The following GUCA1C variants were observed in gnomAD, a reference collection of about 807,000 sequenced individuals.
The protein encoded by GUCA1C is guanylate cyclase activator 1C, also known as guanylyl cyclase-activating protein 3.
Under a neutral mutation model 16.2 loss-of-function variants are expected in GUCA1C, and 15 were observed. The observed-to-expected ratio is 0.93, with a 90% CI of 0.62 to 1.43. The LOEUF (loss-of-function observed/expected upper bound fraction) is 1.43, where lower values mean the gene tolerates loss of function less well. GUCA1C is among the 40% of genes most tolerant of loss of function. The pLI is 0.00. For missense variants in GUCA1C, 275 were observed against 244.8 expected, an observed-to-expected ratio of 1.12 and a Z score of -0.82; for synonymous variants, 78 against 85.4, an observed-to-expected ratio of 0.91 and a Z score of 0.48.
chr3:108,914,843 G>A lies in GUCA1C; in HGVS notation c.442+1284C>T, dbSNP rs994385863. Among the ~76,000 whole-genome samples the A allele has an allele frequency of 3.3e-5, 5 of 152,212 alleles. No homozygotes were observed. The South Asian group carries it at 6.2e-4, about 19-fold the overall frequency. ...AGACCCTCCACTCTCCATTTCTCTGGTCCTTTCCTGGCTGCACGTAGCCTC... is the reference window on the plus strand; with the variant it reads ...AGACCCTCCACTCTCCATTTCTCTGATCCTTTCCTGGCTGCACGTAGCCTC... On this transcript the variant is annotated intron_variant, in intron 3 of 3. Coordinates refer to ENST00000261047, the MANE Select transcript of GUCA1C (RefSeq NM_005459.4).
intron 1 of GUCA1C, among the ~76,000 whole-genome samples, chr3:108,920,958 T>C (rs115606717): frequency 1.0e-3 from 157 of 152,264 alleles, no homozygotes; most frequent in African/African-American, 3.6e-3. Flanking sequence ...TCACCCAAAG[T>C]CCATAGTTTA....
intron 1 of GUCA1C, among the ~76,000 whole-genome samples, chr3:108,923,292 T>C (rs544595603): frequency 2.6e-5 from 4 of 152,118 alleles, no homozygotes; most frequent in Non-Finnish European, 5.9e-5. Context: ...AGAATCTTTA[T>C]GGTTTCGGAT....
chr3:108,944,479 GGTCA>G (rs1946823703), intron 1 of GUCA1C, among the ~76,000 whole-genome samples: 1 of 152,184 alleles, frequency 6.6e-6, no homozygotes, highest in Admixed American at 6.5e-5. Context: ...GCCAGGTGGA[GGTCA>G]GTAAGGGGAG....
chr3:108,951,902 A>G (rs1946899696), intron 1 of GUCA1C, among the ~76,000 whole-genome samples: 1 of 152,238 alleles, frequency 6.6e-6, no homozygotes, highest in African/African-American at 2.4e-5. Flanking sequence ...ATCTGACAGC[A>G]GATCCTTGCT....
intron 3 of GUCA1C, among the ~76,000 whole-genome samples, chr3:108,911,962 C>T (rs553505138): frequency 2.4e-3 from 368 of 151,564 alleles, no homozygotes; most frequent in Non-Finnish European, 3.3e-3. Flanking sequence ...AAAAATTAGC[C>T]GGGCGTAGTG....
chr3:108,918,950 A>G (rs146602674), intron 2 of GUCA1C, among the ~76,000 whole-genome samples: 2,110 of 152,196 alleles, frequency 0.014, 53 homozygotes, highest in African/African-American at 0.049. Context: ...CAGGACTTTT[A>G]TCCTTAATAA....
chr3:108,940,243 TA>T (rs1446072265), intron 1 of GUCA1C, among the ~76,000 whole-genome samples: 1 of 152,238 alleles, frequency 6.6e-6, no homozygotes. Context: ...TTGCTTCCAG[TA>T]AATGTATCTT....
rs143341572 is a variant in GUCA1C, at chr3:108,948,378, C to T, written c.204+5181G>A. Reference sequence around the variant, plus strand: ...CCCTTCTATCATGATTGTAAGTTTCCTGAGGCCTCCCCAGCCATGTCTCCT... The same window carrying T: ...CCCTTCTATCATGATTGTAAGTTTCTTGAGGCCTCCCCAGCCATGTCTCCT... On this transcript the variant is annotated intron_variant, in intron 1 of 3. Transcript: ENST00000261047. Among the ~76,000 whole-genome samples the T allele has an allele frequency of 6.1e-3, 929 of 152,288 alleles. 7 individuals carry two copies. The highest frequency in any genetic ancestry group is 8.9e-3 in the Non-Finnish European group (606 of 68,010).
At chr3:108,908,442 TCAGGTAATGCCC>T (rs1946413907) in intron 3 of GUCA1C, among the ~76,000 whole-genome samples, 2 of 150,984 alleles carry the variant, frequency 1.3e-5, no homozygotes, top group African/African-American at 4.9e-5. Flanking sequence ...GTTGAAAACA[TCAGGTAATGCCC>T]CAGATGAAAT....
At chr3:108,931,400 G>A (rs992736071) in intron 1 of GUCA1C, among the ~76,000 whole-genome samples, 1 of 152,220 alleles carries the variant, frequency 6.6e-6, no homozygotes, top group Non-Finnish European at 1.5e-5. Flanking sequence ...TATTTTCACT[G>A]TATGGTTTTT....
intron 3 of GUCA1C, among the ~76,000 whole-genome samples, chr3:108,911,622 T>C (rs919271302): frequency 1.3e-5 from 2 of 152,232 alleles, no homozygotes; most frequent in African/African-American, 4.8e-5. Context: ...CAGTAGTTTC[T>C]TTTCCTCTAC....
At chr3:108,910,098 T>G (rs1203859744) in intron 3 of GUCA1C, among the ~76,000 whole-genome samples, 2 of 152,246 alleles carry the variant, frequency 1.3e-5, no homozygotes, top group African/African-American at 2.4e-5. Context: ...CTTCCTATTC[T>G]GCTTTGATTT....
intron 1 of GUCA1C, among the ~76,000 whole-genome samples, chr3:108,935,517 C>T (rs1211573115): frequency 1.3e-5 from 2 of 151,038 alleles, no homozygotes; most frequent in Admixed American, 6.6e-5. Context: ...GGTGAAACCA[C>T]GTCTCTACTA....
At chr3:108,949,880 C>CT (rs376255008) in intron 1 of GUCA1C, among the ~76,000 whole-genome samples, 1 of 152,068 alleles carries the variant, frequency 6.6e-6, no homozygotes, top group African/African-American at 2.4e-5. Context: ...ACATACTTAC[C>CT]TTTTTTTGTG....
intron 1 of GUCA1C, among the ~76,000 whole-genome samples, chr3:108,948,880 C>A (rs1432772075): frequency 2.0e-5 from 3 of 149,942 alleles, no homozygotes; most frequent in Admixed American, 6.7e-5. Flanking sequence ...TGGAGTCTCA[C>A]TCTGTCACCC....
At position 108,932,924 on chromosome 3, in the gene GUCA1C, C is replaced by CAA. The variant is rs57918246; in HGVS notation, c.205-12341_205-12340dup. ...GCCACAAGAAAAAAAAAAAAAATCT[C>CAA]AAAAAAAAAAAAAAAAAAAGAAGAA... is the stretch of plus-strand genomic sequence containing the variant. On this transcript the variant is annotated intron_variant, in intron 1 of 3. Coordinates refer to ENST00000261047, the MANE Select transcript of GUCA1C (RefSeq NM_005459.4). 1.2e-3 allele frequency among the ~76,000 whole-genome samples: 82 copies of CAA among 68,652 alleles called. No individual in the cohort carries two copies. The East Asian group carries it at 0.014, about 12-fold the overall frequency. 45.0% of individuals were successfully genotyped at this position (68,652 alleles called of 152,430 possible).
chr3:108,953,985 T>G (rs1361957679), upstream of GUCA1C: 1 of 552,582 alleles, frequency 1.8e-6, no homozygotes, highest in East Asian at 2.9e-5. Context: ...ACTAACATGC[T>G]TACAGTCATG....
intron 3 of GUCA1C, among the ~76,000 whole-genome samples, chr3:108,909,667 A>G (rs560800423): frequency 2.0e-5 from 3 of 152,240 alleles, no homozygotes; most frequent in African/African-American, 7.2e-5. Flanking sequence ...GGGATATAGT[A>G]GTGGTCTCAG....
chr3:108,939,745 A>C (rs1017640384), intron 1 of GUCA1C, among the ~76,000 whole-genome samples: 1 of 151,990 alleles, frequency 6.6e-6, no homozygotes, highest in Admixed American at 6.6e-5. Flanking sequence ...ACACATATAG[A>C]CGGCCCCTTA....
Sources: gnomAD v4.1 joint callset for allele counts (sites outside exome capture counted in the v4.1 genomes callset) on GRCh38, gnomAD v4.1.1 for gene constraint, MANE v1.5 for transcripts, NCBI Gene and HGNC (gene_info 2026-07-23, HGNC 2026-07-21) for gene names.